The following TBC1D9 variants were observed in gnomAD, a reference collection of about 807,000 sequenced individuals.
TBC1D9 encodes TBC1 domain family member 9.
In TBC1D9, 63 loss-of-function variants were observed where a neutral mutation model predicts 132.0. The ratio of observed to expected loss-of-function variants is 0.48; its 90% confidence interval spans 0.39 to 0.59. The LOEUF (loss-of-function observed/expected upper bound fraction) is 0.59, where lower values mean the gene tolerates loss of function less well. Among genes scored for constraint, TBC1D9 ranks in the 20% least tolerant of loss-of-function variants. The pLI is 0.00. For missense variants in TBC1D9, 1,261 were observed against 1,592.7 expected, an observed-to-expected ratio of 0.79 and a Z score of 3.54; for synonymous variants, 610 against 609.9, an observed-to-expected ratio of 1.00 and a Z score of 0.00.
At position 140,657,608 on chromosome 4, in the gene TBC1D9, A is replaced by C; in HGVS notation, c.2126T>G (p.Leu709Trp). The C allele has an allele frequency of 6.2e-7, 1 of 1,614,028 alleles. No homozygotes were observed. The highest frequency in any genetic ancestry group is 1.1e-5 in the South Asian group (1 of 91,090). Residue 709 changes from leucine (L) to tryptophan (W), a missense_variant, in exon 12 of 21, where the codon TTG becomes TGG. Physicochemically the swap from Leu to Trp is moderately conservative, Grantham distance 61. Around this residue, in one of 3 missense-constraint regions of TBC1D9, gnomAD observed 618 missense variants for 724.4 expected, o/e 0.85. Coordinates refer to ENST00000442267, the MANE Select transcript of TBC1D9 (RefSeq NM_015130.3). ...FYEGIKVIFQLALAVLDANVD... is the reference protein window; with the variant it reads ...FYEGIKVIFQWALAVLDANVD... ...ATTTGCATCCAGCACAGCTAGGGCC[A>C]ACTGGAATATCACTTTAATTCCTTC...
intron 13 of TBC1D9, among the ~76,000 whole-genome samples, chr4:140,655,526 A>G (rs1737253904): frequency 6.6e-6 from 1 of 152,242 alleles, no homozygotes; most frequent in African/African-American, 2.4e-5. Flanking sequence ...TGCGCTCAGC[A>G]GAATACTCAG....
At chr4:140,751,310 G>A (rs1738919927) in intron 1 of TBC1D9, among the ~76,000 whole-genome samples, 2 of 152,102 alleles carry the variant, frequency 1.3e-5, no homozygotes, top group African/African-American at 2.4e-5. Context: ...TATGACAAAC[G>A]TAGCTCTACA....
rs1737026406 is a variant in TBC1D9 at position 140,642,812 on chromosome 4, C to CA, written c.2338-3385_2338-3384insT. 13 of 614,800 alleles carry CA rather than the reference C, an allele frequency of 2.1e-5. No homozygotes were observed. In the East Asian group the frequency reaches 3.5e-4, roughly 17 times the overall value. 38.1% of individuals were successfully genotyped at this position (614,800 alleles called of 1,614,324 possible). ...CTTTCCGCTACTGTTGCAGTTCTTC[C>CA]CCCTCTTGCGGGCGGGCGACAGGGC... On this transcript the variant is annotated intron_variant, in intron 13 of 20. Transcript: ENST00000442267.
chr4:140,721,130 C>T (rs1349336093), intron 1 of TBC1D9, among the ~76,000 whole-genome samples: 2 of 152,022 alleles, frequency 1.3e-5, no homozygotes, highest in African/African-American at 2.4e-5. Context: ...GAGGGTGCAG[C>T]GGGGTCTGGG....
At chr4:140,633,431 C>T (rs1031974204) in intron 16 of TBC1D9, among the ~76,000 whole-genome samples, 3 of 152,108 alleles carry the variant, frequency 2.0e-5, no homozygotes, top group African/African-American at 7.2e-5. Flanking sequence ...TGGGGTGAGG[C>T]TGGGCCTGCT....
chr4:140,643,071 T>C, intron 13 of TBC1D9: 1 of 1,307,530 alleles, frequency 7.6e-7, no homozygotes, highest in Admixed American at 2.1e-5. Flanking sequence ...CATCCAGCTG[T>C]ACTTATTGTG....
At chr4:140,650,895 T>C (rs1737178330) in intron 13 of TBC1D9, among the ~76,000 whole-genome samples, 1 of 152,192 alleles carries the variant, frequency 6.6e-6, no homozygotes, top group African/African-American at 2.4e-5. Context: ...GGAGACATGC[T>C]TTTGACACCT....
At chr4:140,728,943 C>A (rs1295635333) in intron 1 of TBC1D9, among the ~76,000 whole-genome samples, 2 of 152,120 alleles carry the variant, frequency 1.3e-5, no homozygotes, top group African/African-American at 4.8e-5. Context: ...GGATTACAGG[C>A]ATGAGCCACT....
Position 140,622,009 on chromosome 4 carries a change from C to T in TBC1D9, c.*186G>A. On this transcript the variant is annotated 3_prime_UTR_variant, in exon 21 of 21. Coordinates refer to ENST00000442267, the MANE Select transcript of TBC1D9 (RefSeq NM_015130.3). ...CTCCCCGCAACAAGAGTGTAATGTA[C>T]CTACATTGAGGTGTTTAAATATTTC... 3 of 771,900 alleles carry T rather than the reference C, an allele frequency of 3.9e-6. No homozygotes were observed. Among genetic ancestry groups the T allele is most frequent in the Non-Finnish European group, 1.9e-6 (1 of 530,358 alleles). 47.8% of individuals were successfully genotyped at this position (771,900 alleles called of 1,614,324 possible). A position where few individuals can be genotyped will look rare whatever the true frequency, so the allele number is the denominator to read the frequency against.
At chr4:140,712,175 T>G (rs1214541617) in intron 1 of TBC1D9, 1 of 148,406 alleles carries the variant, frequency 6.7e-6, no homozygotes, top group African/African-American at 2.5e-5. Context: ...AGAGGCTCCC[T>G]CAAAAACACA....
Position 140,622,702 on chromosome 4 carries a change from C to G in TBC1D9, c.3294G>C (p.Lys1098Asn), listed in dbSNP as rs1736638065. The G allele has an allele frequency of 6.2e-7, 1 of 1,611,476 alleles. No homozygotes were observed. Residue 1098 changes from lysine to asparagine, a missense_variant, in exon 21 of 21, where the codon AAG becomes AAC. By Grantham distance (94) the Lys-to-Asn change is moderately conservative. Transcript: ENST00000442267. Reference protein sequence around the residue: ...HQGIPGVLFPKKGPGQPYVVE... With the variant: ...HQGIPGVLFPNKGPGQPYVVE... ...CCACGTAAGGCTGGCCTGGCCCTTT[C>G]TTGGGGAAGAGCACGCCTGGGATGC...
chr4:140,743,946 TG>T (rs1338021762), intron 1 of TBC1D9, among the ~76,000 whole-genome samples: 9 of 152,326 alleles, frequency 5.9e-5, no homozygotes, highest in Non-Finnish European at 1.2e-4. Context: ...GCCTAGTTTT[TG>T]TGGCCAGTTT....
intron 1 of TBC1D9, among the ~76,000 whole-genome samples, chr4:140,717,659 G>A (rs375683144): frequency 9.9e-5 from 15 of 152,154 alleles, no homozygotes; most frequent in African/African-American, 2.4e-4. Context: ...GTGGAAGGCC[G>A]GGGCCTCTAT....
At chr4:140,754,177 C>T (rs1738967950) in intron 1 of TBC1D9, among the ~76,000 whole-genome samples, 1 of 152,036 alleles carries the variant, frequency 6.6e-6, no homozygotes, top group African/African-American at 2.4e-5. Flanking sequence ...GCTCTGAATC[C>T]CTGAATTTTT....
At chr4:140,669,526 GA>G (rs1463312407) in intron 8 of TBC1D9, 107 bp downstream of exon 8, 27 of 1,240,934 alleles carry the variant, frequency 2.2e-5, no homozygotes, top group Non-Finnish European at 2.9e-5. Context: ...TAACTTATAG[GA>G]AAATCTCCAT....
chr4:140,634,051 C>T lies in TBC1D9; in HGVS notation c.2643G>A (p.Trp881Ter). The T allele has an allele frequency of 6.2e-7, 1 of 1,613,930 alleles. No individual in the cohort carries two copies. The highest frequency in any genetic ancestry group is 2.2e-5 in the East Asian group (1 of 44,880). Residue 881 changes from tryptophan to a stop codon, truncating the protein, a stop_gained, in exon 16 of 21, where the codon TGG becomes TGA. Coordinates refer to ENST00000442267, the MANE Select transcript of TBC1D9 (RefSeq NM_015130.3). LOFTEE classifies it high-confidence loss of function. Reference sequence around the variant, plus strand: ...GAACGTCAGAGTGAGTTCCACATGCCCAAGGAAAGAGAAGAGCAAACATTC... The same window carrying T: ...GAACGTCAGAGTGAGTTCCACATGCTCAAGGAAAGAGAAGAGCAAACATTC... The part of the protein sequence containing the change: ...FKGMFALLFP[W>*]ACGTHSDVLA...
intron 13 of TBC1D9, chr4:140,643,577 CA>C: frequency 2.2e-6 from 2 of 891,670 alleles, no homozygotes. Context: ...GGGGCTCGCT[CA>C]GGGCCGCCTG....
At chr4:140,755,789 A>G in intron 1 of TBC1D9, 127 bp downstream of exon 1, 1 of 1,333,464 alleles carries the variant, frequency 7.5e-7, no homozygotes, top group South Asian at 1.7e-5. Context: ...CCTCGCATAC[A>G]ACGAGGCAGG....
At chr4:140,681,423 G>A (rs964471503) in intron 3 of TBC1D9, among the ~76,000 whole-genome samples, 1 of 152,156 alleles carries the variant, frequency 6.6e-6, no homozygotes, top group African/African-American at 2.4e-5. Context: ...CGGTAGTTGT[G>A]ATGCTGCTGA....
Sources: allele counts gnomAD v4.1 joint callset (sites outside exome capture counted in the v4.1 genomes callset), GRCh38; gene constraint gnomAD v4.1.1; regional missense constraint gnomAD v4.1.1; transcripts MANE v1.5; gene names NCBI Gene and HGNC (gene_info 2026-07-23, HGNC 2026-07-21).